DNAI1: variants seen among roughly 807,000 people sequenced by gnomAD.
The protein encoded by DNAI1 is dynein axonemal intermediate chain 1, also known as dynein, axonemal, intermediate polypeptide 1.
DNAI1 carries 67 observed loss-of-function variants against 92.0 expected under a neutral mutation model. The observed-to-expected ratio is 0.73, with a 90% CI of 0.60 to 0.89. The LOEUF is 0.89. Ranked by LOEUF, DNAI1 falls within the 40% of genes least tolerant of loss-of-function variation. The probability of loss-of-function intolerance (pLI) is 0.00; values close to 1 mark genes in which losing one functional copy is unlikely to be tolerated. For synonymous variants in DNAI1, 323 were observed against 319.6 expected (o/e 1.01, Z -0.11); for missense variants, 839 against 866.6 (o/e 0.97, Z 0.40).
At chr9:34,518,858 A>AGAGCTGG in intron 19 of DNAI1, among the ~76,000 whole-genome samples, 2 of 138,472 alleles carry the variant, frequency 1.4e-5, no homozygotes, top group African/African-American at 5.4e-5. Context: ...CATGGGTGGG[A>AGAGCTGG]GCCTGCCCTG....
At chr9:34,507,472 G>A (rs1260279759) in intron 13 of DNAI1, among the ~76,000 whole-genome samples, 1 of 152,230 alleles carries the variant, frequency 6.6e-6, no homozygotes, top group Non-Finnish European at 1.5e-5. Flanking sequence ...TTAAATGTAA[G>A]TGGATCATCA....
At chr9:34,485,081 T>C in intron 2 of DNAI1, 61 bp from the exon 3 acceptor site, 1 of 1,559,296 alleles carries the variant, frequency 6.4e-7, no homozygotes, top group Non-Finnish European at 8.8e-7. Context: ...TGAAGGGGCT[T>C]TCTGTATGCT....
chr9:34,480,486 C>T (rs900951711), intron 1 of DNAI1, among the ~76,000 whole-genome samples: 1 of 151,862 alleles, frequency 6.6e-6, no homozygotes, highest in Non-Finnish European at 1.5e-5. Flanking sequence ...CCATGTTGAC[C>T]AGGCTGGTCT....
In DNAI1 at chr9:34,485,491, C is replaced by A. The variant is rs763257757; in HGVS notation, c.235C>A (p.Gln79Lys). The part of the protein sequence containing the change: ...ILTANNPHAP[Q>K]NIVRYSFKEG... Reference sequence around the variant, plus strand: ...GACAGCCAACAACCCACACGCACCCCAGAACATTGTCAGGTACAGCTTCAA... The same window carrying A: ...GACAGCCAACAACCCACACGCACCCAAGAACATTGTCAGGTACAGCTTCAA... The change falls in exon 4 of 20, where the codon CAG becomes AAG. Residue 79 changes from glutamine to lysine, a missense_variant. Gln to Lys is a moderately conservative substitution (Grantham distance 53, BLOSUM62 1). Coordinates refer to ENST00000242317, the MANE Select transcript of DNAI1 (RefSeq NM_012144.4). The A allele has an allele frequency of 6.2e-6, 10 of 1,614,068 alleles. No homozygotes were observed. The highest frequency in any genetic ancestry group is 8.5e-6 in the Non-Finnish European group (10 of 1,180,044).
chr9:34,509,921 AAAAG>A (rs1459389849), intron 13 of DNAI1, among the ~76,000 whole-genome samples: 1 of 152,126 alleles, frequency 6.6e-6, no homozygotes, highest in Non-Finnish European at 1.5e-5. Context: ...AAAAAGAAAA[AAAAG>A]AAAAACAGGT....
chr9:34,492,790 G>C (rs756960403), intron 8 of DNAI1, among the ~76,000 whole-genome samples: 12 of 151,782 alleles, frequency 7.9e-5, no homozygotes, highest in Non-Finnish European at 1.5e-4. Context: ...CAAAGTGCTG[G>C]CATTACAGGT....
In DNAI1 at chr9:34,487,525, G is replaced by A. The variant is rs146781780; in HGVS notation, c.262-1798G>A. 3.4e-3 allele frequency among the ~76,000 whole-genome samples: 522 copies of A among 152,070 alleles called. 1 individual carries two copies. The highest frequency in any genetic ancestry group is 0.012 in the African/African-American group (483 of 41,490). ...GAAAGGTGCTACTTGTGAGTTTTGC[G>A]AATGGCTTCCCTTGGGAAGCCCGAA... On this transcript the variant is annotated intron_variant, in intron 4 of 19. Coordinates refer to ENST00000242317, the MANE Select transcript of DNAI1 (RefSeq NM_012144.4).
intron 1 of DNAI1, among the ~76,000 whole-genome samples, chr9:34,480,381 G>A (rs558958237): frequency 4.1e-5 from 6 of 148,008 alleles, no homozygotes; most frequent in African/African-American, 1.0e-4. Context: ...GGGTTCAAGC[G>A]ATTTTCTTGC....
rs571950303 is a variant in DNAI1 at position 34,519,584 on chromosome 9, G to A, written c.2002-1074G>A. On this transcript the variant is annotated intron_variant, in intron 19 of 19. Transcript: ENST00000242317. ...GGCAAAAAGGCACTGGGCTGCAAGC[G>A]GATAGGGGAGAAAATTTGGGAGCAG... Among the ~76,000 whole-genome samples, 37 of 152,254 alleles carry A rather than the reference G, an allele frequency of 2.4e-4. 1 individual carries two copies. The South Asian group carries it at 7.0e-3, about 29-fold the overall frequency.
At chr9:34,480,271 ACTTTTTTTTTTTT>A (rs1171168132) in intron 1 of DNAI1, among the ~76,000 whole-genome samples, 1 of 116,322 alleles carries the variant, frequency 8.6e-6, no homozygotes, top group East Asian at 2.3e-4. Context: ...GTTTGGTGGA[ACTTTTTTTTTTTT>A]TTTTTTTTTT....
chr9:34,506,250 A>G (rs568392011), intron 12 of DNAI1, among the ~76,000 whole-genome samples: 5 of 152,280 alleles, frequency 3.3e-5, no homozygotes, highest in African/African-American at 1.2e-4. Context: ...CCAGGCATCT[A>G]TGGAAAGCTG....
rs758595604 is a variant in DNAI1, at chr9:34,500,831, C to T, written c.1011C>T (p.Ala337=). Residue 337 remains alanine, a synonymous_variant, in exon 11 of 20, where the codon GCC becomes GCT. Coordinates refer to ENST00000242317, the MANE Select transcript of DNAI1 (RefSeq NM_012144.4). ...NDKAKRLSVT[A]LCWNPKYRDL... is the part of the protein sequence containing the mutation. ...AAGCCAAGCGCCTGTCCGTCACTGC[C>T]CTCTGCTGGTAAGTATAGGCATTGC... is the stretch of plus-strand genomic sequence containing the variant. The T allele has an allele frequency of 1.9e-6, 3 of 1,613,678 alleles. No individual in the cohort carries two copies. The highest frequency in any genetic ancestry group is 1.1e-5 in the South Asian group (1 of 91,070).
chr9:34,517,614 C>T, intron 19 of DNAI1, 147 bp downstream of exon 19: 1 of 976,490 alleles, frequency 1.0e-6, no homozygotes, highest in Non-Finnish European at 1.5e-6. Flanking sequence ...ATGAGGCTCA[C>T]AGTAGAAGCA....
At chr9:34,514,253 G>T in intron 16 of DNAI1, 141 bp from the exon 17 acceptor site, 1 of 1,128,442 alleles carries the variant, frequency 8.9e-7, no homozygotes, top group Non-Finnish European at 1.3e-6. Context: ...GGGAAGGGCA[G>T]CCAGGAGCTT....
intron 1 of DNAI1, among the ~76,000 whole-genome samples, chr9:34,473,914 C>T (rs1824189009): frequency 6.6e-6 from 1 of 151,976 alleles, no homozygotes; most frequent in Non-Finnish European, 1.5e-5. Context: ...TTTGTAGGGA[C>T]AGGGTATCTT....
Position 34,520,612 on chromosome 9 carries a change from G to C in DNAI1, c.2002-46G>C, listed in dbSNP as rs547176432. The C allele has an allele frequency of 1.5e-5, 23 of 1,522,032 alleles. No individual in the cohort carries two copies. In the East Asian group the frequency reaches 2.9e-4, roughly 19 times the overall value. 94.3% of individuals were successfully genotyped at this position (1,522,032 alleles called of 1,614,324 possible). A position where few individuals can be genotyped will look rare whatever the true frequency, so the allele number is the denominator to read the frequency against. On this transcript the variant is annotated intron_variant, in intron 19 of 19. Coordinates refer to ENST00000242317, the MANE Select transcript of DNAI1 (RefSeq NM_012144.4). The stretch of plus-strand genomic sequence containing the variant: ...GGAGGTGGTGCTGGGACCCAGAGAG[G>C]GGGGGCCCACCATTCCTCCCTCATG...
chr9:34,469,644 C>T (rs1204869416), intron 1 of DNAI1, among the ~76,000 whole-genome samples: 1 of 152,042 alleles, frequency 6.6e-6, no homozygotes, highest in African/African-American at 2.4e-5. Context: ...ATGGTGTGAT[C>T]TCAGCTCTCT....
intron 5 of DNAI1, 63 bp from the exon 6 acceptor site, chr9:34,489,949 C>A: frequency 6.3e-7 from 1 of 1,592,862 alleles, no homozygotes; most frequent in African/African-American, 1.3e-5. Flanking sequence ...CAAGAAAGCC[C>A]TCCCTGCCAC....
intron 1 of DNAI1, among the ~76,000 whole-genome samples, chr9:34,476,868 A>G (rs977500779): frequency 2.0e-5 from 3 of 152,188 alleles, no homozygotes; most frequent in Non-Finnish European, 4.4e-5. Context: ...CTCTGCTTAC[A>G]TGGCTCTTTC....
Sources: gnomAD v4.1 joint callset for allele counts (sites outside exome capture counted in the v4.1 genomes callset) on GRCh38, gnomAD v4.1.1 for gene constraint, MANE v1.5 for transcripts, NCBI Gene and HGNC (gene_info 2026-07-23, HGNC 2026-07-21) for gene names.